The following ZNF407 variants were observed in gnomAD, a reference collection of about 807,000 sequenced individuals.
The protein encoded by ZNF407 is zinc finger protein 407.
A neutral mutation model predicts 131.2 loss-of-function variants in ZNF407; 17 were observed. The observed-to-expected ratio is 0.13, with a 90% confidence interval of 0.09 to 0.19. ZNF407 has a LOEUF of 0.19. Among genes scored for constraint, ZNF407 ranks in the 10% least tolerant of loss-of-function variants. The pLI is 1.00. For missense variants in ZNF407, 2,681 were observed against 2,830.6 expected (o/e 0.95, Z 1.20); for synonymous variants, 1,156 against 1,062.0 (o/e 1.09, Z -1.72).
intron 4 of ZNF407, among the ~76,000 whole-genome samples, chr18:74,810,178 G>T (rs1970173679): frequency 6.6e-6 from 1 of 152,152 alleles, no homozygotes; most frequent in Admixed American, 6.5e-5. Context: ...AAACTAGTGG[G>T]AAAGGGAGAG....
chr18:74,986,457 G>A lies in ZNF407; in HGVS notation c.5428+65765G>A, dbSNP rs544182422. Among the ~76,000 whole-genome samples the A allele has an allele frequency of 2.4e-3, 360 of 152,004 alleles. 2 individuals are homozygous for A. The highest frequency in any genetic ancestry group is 7.7e-3 in the African/African-American group (320 of 41,452). The stretch of plus-strand genomic sequence containing the variant: ...AGCCATTTAGCTAATACTGTTTCTC[G>A]GACCACATGAGTTTACAAATTACTA... On this transcript the variant is annotated intron_variant, in intron 8 of 8. Coordinates refer to ENST00000299687, the MANE Select transcript of ZNF407 (RefSeq NM_017757.3).
chr18:74,890,387 C>T (rs1316211758), intron 7 of ZNF407, among the ~76,000 whole-genome samples: 3 of 152,208 alleles, frequency 2.0e-5, no homozygotes, highest in African/African-American at 7.2e-5. Context: ...ATTTAGGATT[C>T]GCTGTGGACG....
chr18:74,937,567 C>T (rs796206569), intron 8 of ZNF407, among the ~76,000 whole-genome samples: 3 of 152,264 alleles, frequency 2.0e-5, no homozygotes, highest in African/African-American at 7.2e-5. Flanking sequence ...GAAGCAGAAC[C>T]ACTTTGAGTG....
chr18:74,609,731 G>A (rs544037665), intron 1 of ZNF407, among the ~76,000 whole-genome samples: 17 of 152,336 alleles, frequency 1.1e-4, no homozygotes, highest in African/African-American at 4.1e-4. Flanking sequence ...GCTAAATGAT[G>A]TCACTAGGCA....
At chr18:74,803,941 A>C (rs1970065507) in intron 4 of ZNF407, 2 of 1,549,754 alleles carry the variant, frequency 1.3e-6, no homozygotes, top group African/African-American at 1.4e-5. Context: ...CAATTTAACA[A>C]ACTTGATTGT....
chr18:74,715,067 C>G (rs866097559), intron 3 of ZNF407, among the ~76,000 whole-genome samples: 2 of 152,316 alleles, frequency 1.3e-5, no homozygotes, highest in Non-Finnish European at 1.5e-5. Flanking sequence ...AAAACCTACA[C>G]GTGAACCAGT....
chr18:74,635,200 G>A lies in ZNF407; in HGVS notation c.4181G>A (p.Cys1394Tyr), dbSNP rs1447840669. 1.9e-6 allele frequency: 3 copies of A among 1,614,024 alleles called. No individual in the cohort carries two copies. Among genetic ancestry groups the A allele is most frequent in the Admixed American group, 3.3e-5 (2 of 60,024 alleles). ...VRISELPLKD[C>Y]AQGVKKKKSE... ...ATTAGTGAGCTGCCCTTGAAAGACT[G>A]TGCTCAAGGTGTGAAAAAGAAGAAA... Residue 1394 changes from cysteine (C) to tyrosine (Y), a missense_variant, in exon 2 of 9, where the codon TGT (cysteine) becomes TAT (tyrosine). Transcript: ENST00000299687. The surrounding 1 kb of genome is among the most constrained non-coding windows in gnomAD (Gnocchi z 4.7).
intron 4 of ZNF407, among the ~76,000 whole-genome samples, chr18:74,828,023 C>T (rs571333614): frequency 9.2e-5 from 14 of 152,314 alleles, no homozygotes; most frequent in Admixed American, 2.0e-4. Context: ...CGGTCTGCCT[C>T]GCTACTCAGG....
Position 74,633,678 on chromosome 18 carries a change from T to TA in ZNF407, c.2660dup (p.Tyr887Ter). Residue 887 changes from tyrosine (Y) to a stop codon, truncating the protein, a stop_gained and frameshift_variant, in exon 2 of 9, where the codon TAC becomes TAAC. Coordinates refer to ENST00000299687, the MANE Select transcript of ZNF407 (RefSeq NM_017757.3). LOFTEE classifies it high-confidence loss of function. ...YSYLCKVCKYYTVTKGDMERH... is the reference protein window; with the variant it reads ...YSYLCKVCKY ...TTATTTATGCAAAGTGTGTAAGTAT[T>TA]ACACTGTAACTAAGGGAGATATGGA... 6.2e-7 allele frequency: 1 copy of TA among 1,614,000 alleles called. No individual in the cohort carries two copies. The highest frequency in any genetic ancestry group is 8.5e-7 in the Non-Finnish European group (1 of 1,179,890).
At chr18:74,839,877 G>A (rs1052769245) in intron 4 of ZNF407, among the ~76,000 whole-genome samples, 1 of 152,194 alleles carries the variant, frequency 6.6e-6, no homozygotes, top group African/African-American at 2.4e-5. Context: ...ATGGATACCA[G>A]GAAGAGTCAA....
chr18:74,855,073 T>A (rs577959330), intron 4 of ZNF407, among the ~76,000 whole-genome samples: 8 of 152,324 alleles, frequency 5.3e-5, no homozygotes, highest in African/African-American at 1.9e-4. Context: ...CTTATTCTGT[T>A]AGTAAATGGA....
chr18:74,702,934 C>T (rs916837025), intron 3 of ZNF407, among the ~76,000 whole-genome samples: 3 of 152,242 alleles, frequency 2.0e-5, no homozygotes, highest in Non-Finnish European at 4.4e-5. Flanking sequence ...GTGGAACCCA[C>T]AAGCATGACC....
chr18:75,047,955 A>G (rs1973454647), intron 8 of ZNF407, among the ~76,000 whole-genome samples: 1 of 152,208 alleles, frequency 6.6e-6, no homozygotes. Flanking sequence ...GAATGTCTGT[A>G]TTTCCGCACA....
At chr18:74,786,796 T>G (rs1026524943) in intron 4 of ZNF407, among the ~76,000 whole-genome samples, 1 of 10,904 alleles carries the variant, frequency 9.2e-5, no homozygotes, top group African/African-American at 1.6e-4. Context: ...AAAGTATGTT[T>G]TTTTTTTTTT....
chr18:74,860,395 CTATATTTGTTGAGAAGTATG>C (rs955165183), intron 4 of ZNF407, among the ~76,000 whole-genome samples: 1 of 151,794 alleles, frequency 6.6e-6, no homozygotes, highest in Non-Finnish European at 1.5e-5. Flanking sequence ...AATCACATGC[CTATATTTGTTGAGAAGTATG>C]TAATTGTTAA....
At position 74,877,213 on chromosome 18, in the gene ZNF407, T is replaced by G; in HGVS notation, c.4894T>G (p.Leu1632Val). The G allele has an allele frequency of 6.2e-7, 1 of 1,613,974 alleles. No individual in the cohort carries two copies. The highest frequency in any genetic ancestry group is 1.1e-5 in the South Asian group (1 of 91,086). The stretch of plus-strand genomic sequence containing the variant: ...TTCATGCAGGAAATTTACATGCCAC[T>G]TATGTGATAGAAGTTTCACAGAGAA... The part of the protein sequence containing the change: ...TPKERKFTCH[L>V]CDRSFTEKWA... The change falls in exon 5 of 9, where the codon TTA (leucine) becomes GTA (valine). Residue 1632 changes from leucine (L) to valine (V), a missense_variant. Physicochemically the swap from Leu to Val is conservative, Grantham distance 32. Transcript: ENST00000299687.
At chr18:74,817,164 T>G (rs755571035) in intron 4 of ZNF407, among the ~76,000 whole-genome samples, 4 of 152,190 alleles carry the variant, frequency 2.6e-5, no homozygotes, top group African/African-American at 7.2e-5. Context: ...TCATGCTGGT[T>G]TTATAGGAGA....
chr18:74,875,301 T>C lies in ZNF407; in HGVS notation c.4878-1896T>C, dbSNP rs181423444. On this transcript the variant is annotated intron_variant, in intron 4 of 8. Coordinates refer to ENST00000299687, the MANE Select transcript of ZNF407 (RefSeq NM_017757.3). ...GTCTTAGTTCTTTGTTATCTGGCTTTTGTCATTTCACGACAGGCACAAGCT... is the reference window on the plus strand; with the variant it reads ...GTCTTAGTTCTTTGTTATCTGGCTTCTGTCATTTCACGACAGGCACAAGCT... Among the ~76,000 whole-genome samples the C allele has an allele frequency of 7.9e-5, 12 of 152,342 alleles. No homozygotes were observed. The East Asian group carries it at 2.1e-3, about 27-fold the overall frequency.
intron 8 of ZNF407, among the ~76,000 whole-genome samples, chr18:75,023,963 G>A (rs1256901378): frequency 1.3e-5 from 2 of 152,152 alleles, no homozygotes; most frequent in Non-Finnish European, 2.9e-5. Context: ...AGAACGCACT[G>A]TGCTAAGTTA....
Sources: gnomAD v4.1 joint callset for allele counts (sites outside exome capture counted in the v4.1 genomes callset) on GRCh38, gnomAD v4.1.1 for gene constraint, Gnocchi (gnomAD v3.1) non-coding constraint, MANE v1.5 for transcripts, NCBI Gene and HGNC (gene_info 2026-07-23, HGNC 2026-07-21) for gene names.